PEX5L: variants seen among roughly 807,000 people sequenced by gnomAD.
PEX5L encodes PEX5-related protein.
Under a neutral mutation model 84.0 loss-of-function variants are expected in PEX5L, and 30 were observed. The observed-to-expected ratio is 0.36, with a 90% CI of 0.27 to 0.48. The LOEUF is 0.48. Among genes scored for constraint, PEX5L ranks in the 20% least tolerant of loss-of-function variants. The probability of loss-of-function intolerance (pLI) is 0.99; values close to 1 mark genes in which losing one functional copy is unlikely to be tolerated. For synonymous variants in PEX5L, 270 were observed against 283.1 expected (o/e 0.95, Z 0.46); for missense variants, 533 against 754.6 (o/e 0.71, Z 3.44).
intron 1 of PEX5L, among the ~76,000 whole-genome samples, chr3:179,995,830 G>A (rs1787840002): frequency 6.6e-6 from 1 of 152,180 alleles, no homozygotes; most frequent in Non-Finnish European, 1.5e-5. Flanking sequence ...CTCTCCAGGT[G>A]TCTACTGTTA....
chr3:179,807,622 C>A lies in PEX5L; in HGVS notation c.1676+52G>T. 23 of 1,544,548 alleles carry A rather than the reference C, an allele frequency of 1.5e-5. No individual in the cohort carries two copies. In the South Asian group the frequency reaches 2.5e-4, roughly 17 times the overall value. On this transcript the variant is annotated intron_variant, in intron 14 of 14. Coordinates refer to ENST00000467460, the MANE Select transcript of PEX5L (RefSeq NM_016559.3). ...CTTGGAAACAACCTTTCAGATTATT[C>A]GACCTCAGTCCTGGGCATGGCCTTC...
At chr3:179,908,509 T>G (rs1356419584) in intron 2 of PEX5L, among the ~76,000 whole-genome samples, 2 of 152,248 alleles carry the variant, frequency 1.3e-5, no homozygotes, top group Non-Finnish European at 2.9e-5. Flanking sequence ...AGGGTACATG[T>G]GCACAACGTG....
chr3:179,818,769 TA>T (rs772296794), intron 9 of PEX5L, among the ~76,000 whole-genome samples: 11 of 152,206 alleles, frequency 7.2e-5, no homozygotes, highest in Non-Finnish European at 1.3e-4. Flanking sequence ...TCCATGTTGT[TA>T]TAAATGACAG....
intron 2 of PEX5L, among the ~76,000 whole-genome samples, chr3:179,929,777 C>T (rs1772504316): frequency 6.6e-6 from 1 of 152,182 alleles, no homozygotes; most frequent in African/African-American, 2.4e-5. Flanking sequence ...TTTCCCAAAC[C>T]AATCACATCT....
At chr3:179,884,901 C>T (rs1223769061) in intron 4 of PEX5L, among the ~76,000 whole-genome samples, 2 of 151,992 alleles carry the variant, frequency 1.3e-5, no homozygotes, top group African/African-American at 2.4e-5. Context: ...GCAAAAGATA[C>T]GTTCTTTTAG....
intron 2 of PEX5L, among the ~76,000 whole-genome samples, chr3:179,907,438 G>T (rs1282751066): frequency 6.6e-6 from 1 of 151,938 alleles, no homozygotes; most frequent in African/African-American, 2.4e-5. Context: ...TCAGCCTTCT[G>T]AGTAGCTATG....
chr3:180,023,877 C>A (rs1561077792), intron 1 of PEX5L, among the ~76,000 whole-genome samples: 2 of 147,394 alleles, frequency 1.4e-5, no homozygotes. Flanking sequence ...CCCTTCAGAG[C>A]CATACCTAGC....
In PEX5L at chr3:179,797,599, AAAAAAAAT is replaced by A. The variant is rs1348487687; in HGVS notation, c.*4221_*4228del. The stretch of plus-strand genomic sequence containing the variant: ...TCTATGAACACTCTTTAAAAAAAAA[AAAAAAAAT>A]ATATATATATATATATATATATATC... On this transcript the variant is annotated 3_prime_UTR_variant, in exon 15 of 15. Coordinates refer to ENST00000467460, the MANE Select transcript of PEX5L (RefSeq NM_016559.3). The A allele has an allele frequency of 1.9e-4, 20 of 108,068 alleles. No homozygotes were observed. The highest frequency in any genetic ancestry group is 4.9e-4 in the African/African-American group (12 of 24,600). The allele number at this position is 108,068 out of a possible 1,614,324, so 6.7% of individuals were successfully genotyped here.
At chr3:180,005,043 T>C (rs1368679102) in intron 1 of PEX5L, among the ~76,000 whole-genome samples, 1 of 152,172 alleles carries the variant, frequency 6.6e-6, no homozygotes, top group African/African-American at 2.4e-5. Flanking sequence ...TCGTGAACAC[T>C]TTCTATTATT....
intron 1 of PEX5L, among the ~76,000 whole-genome samples, chr3:180,001,990 C>A (rs889079126): frequency 6.6e-6 from 1 of 152,070 alleles, no homozygotes; most frequent in African/African-American, 2.4e-5. Context: ...TATGATATTG[C>A]ACTTACTTCT....
At chr3:179,824,906 A>G (rs772321391) in intron 8 of PEX5L, among the ~76,000 whole-genome samples, 9 of 152,174 alleles carry the variant, frequency 5.9e-5, no homozygotes, top group Non-Finnish European at 1.0e-4. Flanking sequence ...TCTACTCACC[A>G]TATTTCCTGT....
intron 3 of PEX5L, among the ~76,000 whole-genome samples, chr3:179,893,752 C>A (rs1230483032): frequency 6.6e-6 from 1 of 151,926 alleles, no homozygotes; most frequent in Non-Finnish European, 1.5e-5. Context: ...AACATTGAAG[C>A]TAATAAGTTT....
chr3:179,987,600 T>C (rs1321828143), intron 1 of PEX5L, among the ~76,000 whole-genome samples: 1 of 152,206 alleles, frequency 6.6e-6, no homozygotes, highest in South Asian at 2.1e-4. Flanking sequence ...GTTCACTTTC[T>C]TGTGAACTTA....
chr3:180,023,767 CACACAGAG>C (rs944937606), intron 1 of PEX5L, among the ~76,000 whole-genome samples: 17 of 140,800 alleles, frequency 1.2e-4, no homozygotes, highest in African/African-American at 5.1e-4. Context: ...CACACGCACA[CACACAGAG>C]AGAGAGAGAG....
intron 8 of PEX5L, among the ~76,000 whole-genome samples, chr3:179,833,809 T>A (rs2111395): frequency 0.48 from 72,574 of 151,670 alleles, 18,289 homozygotes; most frequent in East Asian, 0.75. Context: ...TCTCTCTCTC[T>A]CACACACACA....
chr3:179,888,108 C>G, intron 3 of PEX5L: 3 of 1,280,020 alleles, frequency 2.3e-6, no homozygotes, highest in Non-Finnish European at 3.1e-6. Flanking sequence ...AAGGGCCAAT[C>G]CCACTCCTCA....
intron 2 of PEX5L, among the ~76,000 whole-genome samples, chr3:179,947,867 T>C (rs1172499133): frequency 2.6e-5 from 4 of 151,974 alleles, no homozygotes; most frequent in African/African-American, 9.7e-5. Context: ...CCACCACGCC[T>C]GGCTAATTTT....
chr3:179,994,882 C>T (rs777006928), intron 1 of PEX5L, among the ~76,000 whole-genome samples: 4 of 151,988 alleles, frequency 2.6e-5, no homozygotes, highest in African/African-American at 7.2e-5. Flanking sequence ...CCTTGGACAT[C>T]GGACTCCAAG....
chr3:179,925,526 A>G (rs907713346), intron 2 of PEX5L, among the ~76,000 whole-genome samples: 1 of 152,246 alleles, frequency 6.6e-6, no homozygotes, highest in African/African-American at 2.4e-5. Context: ...ACATCAGTGC[A>G]TAAAGAATTT....
Sources: gnomAD v4.1 joint callset for allele counts (sites outside exome capture counted in the v4.1 genomes callset) on GRCh38, gnomAD v4.1.1 for gene constraint, MANE v1.5 for transcripts, NCBI Gene and HGNC (gene_info 2026-07-23, HGNC 2026-07-21) for gene names.